KCNH5: variants seen among roughly 807,000 people sequenced by gnomAD.
KCNH5 encodes potassium voltage-gated channel subfamily H member 5, also known as voltage-gated delayed rectifier potassium channel KCNH5.
Under a neutral mutation model 96.1 loss-of-function variants are expected in KCNH5, and 46 were observed. The observed-to-expected ratio is 0.48, with a 90% confidence interval of 0.38 to 0.61. KCNH5 has a LOEUF of 0.61. KCNH5 is among the 20% of genes least tolerant of loss of function. KCNH5 has a pLI of 0.00. For missense variants in KCNH5, 907 were observed against 1,225.8 expected (o/e 0.74, Z 3.88); for synonymous variants, 439 against 449.8 (o/e 0.98, Z 0.30).
intron 9 of KCNH5, among the ~76,000 whole-genome samples, chr14:62,786,547 A>T (rs965124393): frequency 1.2e-4 from 19 of 152,180 alleles, no homozygotes; most frequent in African/African-American, 4.3e-4. Flanking sequence ...AAGCAGCTAA[A>T]ATCTACCTAT....
At chr14:62,859,151 G>T (rs1407723123) in intron 7 of KCNH5, among the ~76,000 whole-genome samples, 2 of 152,122 alleles carry the variant, frequency 1.3e-5, no homozygotes, top group African/African-American at 4.8e-5. Flanking sequence ...ACAAACCTCT[G>T]CCCTTTCCAT....
chr14:62,924,270 T>C (rs377318438), intron 7 of KCNH5, among the ~76,000 whole-genome samples: 2 of 152,076 alleles, frequency 1.3e-5, no homozygotes, highest in East Asian at 3.9e-4. Flanking sequence ...CACAATGAGA[T>C]GTCACCTCAC....
At chr14:62,921,451 C>T (rs1300720812) in intron 7 of KCNH5, among the ~76,000 whole-genome samples, 1 of 151,942 alleles carries the variant, frequency 6.6e-6, no homozygotes, top group African/African-American at 2.4e-5. Context: ...GAAGAAAATG[C>T]CAAGTAAAGG....
In KCNH5 at chr14:62,770,729, C is replaced by T. The variant is rs186424896; in HGVS notation, c.2019+8999G>A. ...TGCCCAGAAGTTATAAAAATCAGCA[C>T]TGAATGTTGTTGCTGCTGCTGCTGC... On this transcript the variant is annotated intron_variant, in intron 10 of 10. Transcript: ENST00000322893. Among the ~76,000 whole-genome samples, 33 of 152,352 alleles carry T rather than the reference C, an allele frequency of 2.2e-4. No individual in the cohort carries two copies. The East Asian group carries it at 6.2e-3, about 28-fold the overall frequency.
At chr14:62,738,814 A>T (rs1885212794) in intron 10 of KCNH5, among the ~76,000 whole-genome samples, 1 of 152,184 alleles carries the variant, frequency 6.6e-6, no homozygotes, top group East Asian at 1.9e-4. Context: ...ATATACAGTC[A>T]TATGCCTCAA....
rs1038721404 is a variant in KCNH5 at position 62,911,271 on chromosome 14, C to CT, written c.1369+38861dup. ...TATAAATTCAACACAATCTTTCTTT[C>CT]TTTTTTTTTTCTTTTTTTTTTTTTT... On this transcript the variant is annotated intron_variant, in intron 7 of 10. Transcript: ENST00000322893. Among the ~76,000 whole-genome samples, 852 of 144,692 alleles carry CT rather than the reference C, an allele frequency of 5.9e-3. 4 individuals carry two copies. Among genetic ancestry groups the CT allele is most frequent in the African/African-American group, 0.018 (729 of 39,554 alleles). The allele number at this position is 144,692 out of a possible 152,430, so 94.9% of individuals were successfully genotyped here. A position where few individuals can be genotyped will look rare whatever the true frequency, so the allele number is the denominator to read the frequency against.
Position 62,948,858 on chromosome 14 carries a change from C to T in KCNH5, c.1369+1275G>A, listed in dbSNP as rs201351872. On this transcript the variant is annotated intron_variant, in intron 7 of 10. Transcript: ENST00000322893. ...TGGGATGCAAGGCTGGTTCAATATA[C>T]GCAAATCAATAAATGTAATCCAGCA... Among the ~76,000 whole-genome samples, 729 of 144,914 alleles carry T rather than the reference C, an allele frequency of 5.0e-3. 17 individuals carry two copies. In the East Asian group the frequency reaches 0.073, roughly 15 times the overall value.
At chr14:62,847,034 T>C (rs2140043001) in intron 8 of KCNH5, among the ~76,000 whole-genome samples, 1 of 149,416 alleles carries the variant, frequency 6.7e-6, no homozygotes, top group East Asian at 2.0e-4. Context: ...TCTCCTGACC[T>C]CGTGATCCGC....
chr14:62,959,087 C>T (rs1489754719), intron 6 of KCNH5, among the ~76,000 whole-genome samples: 2 of 152,094 alleles, frequency 1.3e-5, no homozygotes, highest in Non-Finnish European at 2.9e-5. Context: ...CATCACCTCA[C>T]CCAACCTACC....
At chr14:62,887,684 G>C (rs1483494578) in intron 7 of KCNH5, among the ~76,000 whole-genome samples, 2 of 152,092 alleles carry the variant, frequency 1.3e-5, no homozygotes, top group African/African-American at 4.8e-5. Context: ...GAGAATACAT[G>C]TATGAGGTGG....
chr14:62,810,306 A>G (rs1028283337), intron 8 of KCNH5, among the ~76,000 whole-genome samples: 3 of 152,058 alleles, frequency 2.0e-5, no homozygotes, highest in Non-Finnish European at 4.4e-5. Context: ...GCCTGAAGAC[A>G]TTACAGAAGG....
At position 63,006,486 on chromosome 14, in the gene KCNH5, AAAAC is replaced by A. The variant is rs758368839; in HGVS notation, c.198-18_198-15del. The A allele has an allele frequency of 1.9e-5, 27 of 1,450,942 alleles. No individual in the cohort carries two copies. Among genetic ancestry groups the A allele is most frequent in the East Asian group, 4.6e-5 (2 of 43,922 alleles). The allele number at this position is 1,450,942 out of a possible 1,614,324, so 89.9% of individuals were successfully genotyped here. Reference sequence around the variant, plus strand: ...CCATACATAAAACTGGGGGGGAAAAAAAACAAACAATCGATTTCACTTTTGTGTT... The same window carrying A: ...CCATACATAAAACTGGGGGGGAAAAAAAACAATCGATTTCACTTTTGTGTT... On this transcript the variant is annotated splice_polypyrimidine_tract_variant and intron_variant, in intron 2 of 10. Transcript: ENST00000322893.
intron 10 of KCNH5, among the ~76,000 whole-genome samples, chr14:62,742,671 T>C (rs546885734): frequency 6.6e-6 from 1 of 152,312 alleles, no homozygotes; most frequent in Admixed American, 6.5e-5. Flanking sequence ...CTTCTAAAGA[T>C]TATACAATCT....
chr14:62,850,052 T>C lies in KCNH5; in HGVS notation c.1370-200A>G, dbSNP rs531351561. Among the ~76,000 whole-genome samples, 77 of 152,320 alleles carry C rather than the reference T, an allele frequency of 5.1e-4. No homozygotes were observed. The Middle Eastern group carries it at 0.01, about 20-fold the overall frequency. On this transcript the variant is annotated intron_variant, in intron 7 of 10. Transcript: ENST00000322893. ...CTGCAGTAGGAGAAACATGACTTTA[T>C]GAGCATGCAGAGCTCTAGTCAACAT... is the stretch of plus-strand genomic sequence containing the variant.
At chr14:62,956,725 C>A (rs537965954) in intron 6 of KCNH5, among the ~76,000 whole-genome samples, 1 of 151,962 alleles carries the variant, frequency 6.6e-6, no homozygotes, top group African/African-American at 2.4e-5. Flanking sequence ...GATTGGGCCA[C>A]GAATTGCATT....
At chr14:62,830,895 T>C (rs1049695145) in intron 8 of KCNH5, among the ~76,000 whole-genome samples, 1 of 152,156 alleles carries the variant, frequency 6.6e-6, no homozygotes, top group Non-Finnish European at 1.5e-5. Flanking sequence ...ATCCTGTTCA[T>C]TAGGTTCCTT....
At position 63,006,610 on chromosome 14, in the gene KCNH5, A is replaced by G. The variant is rs10144412; in HGVS notation, c.198-138T>C. The G allele has an allele frequency of 1.3e-3, 738 of 588,322 alleles. 6 individuals are homozygous for G. Among genetic ancestry groups the G allele is most frequent in the African/African-American group, 0.013 (675 of 53,850 alleles). The allele number at this position is 588,322 out of a possible 1,614,324, so 36.4% of individuals were successfully genotyped here. A position where few individuals can be genotyped will look rare whatever the true frequency, so the allele number is the denominator to read the frequency against. ...TGCTCCTACACAGAATAGTCAAATC[A>G]TGAGAGGCAGTTCTTGCTTTACACA... On this transcript the variant is annotated intron_variant, in intron 2 of 10. Coordinates refer to ENST00000322893, the MANE Select transcript of KCNH5 (RefSeq NM_139318.5).
At chr14:62,752,597 C>T (rs890990063) in intron 10 of KCNH5, among the ~76,000 whole-genome samples, 4 of 151,984 alleles carry the variant, frequency 2.6e-5, no homozygotes, top group African/African-American at 9.7e-5. Context: ...GCATTAAGAC[C>T]ATCCAAGAAA....
chr14:62,960,120 GA>G (rs1355264308), intron 6 of KCNH5, among the ~76,000 whole-genome samples: 3 of 152,108 alleles, frequency 2.0e-5, no homozygotes, highest in African/African-American at 7.2e-5. Context: ...CGAACACAGG[GA>G]TTATGCACTT....
Sources: allele counts gnomAD v4.1 joint callset (sites outside exome capture counted in the v4.1 genomes callset), GRCh38; gene constraint gnomAD v4.1.1; transcripts MANE v1.5; gene names NCBI Gene and HGNC (gene_info 2026-07-23, HGNC 2026-07-21).